Variants in TYW1 observed in about 807,000 individuals in gnomAD.
TYW1 encodes tRNA-yW synthesizing protein 1 homolog.
Under a neutral mutation model 96.2 loss-of-function variants are expected in TYW1, and 46 were observed. The observed-to-expected ratio is 0.48, with a 90% CI of 0.38 to 0.61. TYW1 has a LOEUF of 0.61. Ranked by LOEUF, TYW1 falls within the 20% of genes least tolerant of loss-of-function variation. The probability of loss-of-function intolerance (pLI) is 0.00; values close to 1 mark genes in which losing one functional copy is unlikely to be tolerated. For synonymous variants in TYW1, 274 were observed against 323.0 expected (o/e 0.85, Z 1.63); for missense variants, 684 against 909.6 (o/e 0.75, Z 3.19).
At chr7:67,226,222 A>G (rs1333794120) in intron 15 of TYW1, among the ~76,000 whole-genome samples, 2 of 152,212 alleles carry the variant, frequency 1.3e-5, no homozygotes, top group Non-Finnish European at 2.9e-5. Context: ...ATAATTTAAA[A>G]CAAAGATGAT....
At chr7:67,158,793 G>A (rs1042246546) in intron 13 of TYW1, among the ~76,000 whole-genome samples, 2 of 150,992 alleles carry the variant, frequency 1.3e-5, no homozygotes, top group South Asian at 2.1e-4. Flanking sequence ...GGATGGTCTC[G>A]ATCTCCTGAC....
intron 13 of TYW1, among the ~76,000 whole-genome samples, chr7:67,172,479 A>G (rs145937274): frequency 0.12 from 17,236 of 149,190 alleles, 1,187 homozygotes; most frequent in African/African-American, 0.17. Context: ...GGAGTGCAGC[A>G]GCCCAGTCTC....
At chr7:67,164,959 C>T (rs1799276084) in intron 13 of TYW1, among the ~76,000 whole-genome samples, 1 of 151,102 alleles carries the variant, frequency 6.6e-6, no homozygotes, top group Non-Finnish European at 1.5e-5. Flanking sequence ...TGTCCATAGG[C>T]TACATTTTTA....
intron 7 of TYW1, among the ~76,000 whole-genome samples, chr7:67,029,402 T>TATATATACATATATATATATAC (rs1282584542): frequency 7.9e-5 from 10 of 126,002 alleles, no homozygotes; most frequent in Admixed American, 2.6e-4. Context: ...TGTGTGTGTG[T>TATATATACATATATATATATAC]GTGTGTGTGT....
chr7:67,055,975 G>A lies in TYW1; in HGVS notation c.1155+88G>A, dbSNP rs1795502947. ...ACACTGTCTATAAATTTACTATTTAGAGGTATAATTTACATTTAATTTGCA... is the reference window on the plus strand; with the variant it reads ...ACACTGTCTATAAATTTACTATTTAAAGGTATAATTTACATTTAATTTGCA... On this transcript the variant is annotated intron_variant, in intron 9 of 15. Coordinates refer to ENST00000359626, the MANE Select transcript of TYW1 (RefSeq NM_018264.4). 7.9e-6 allele frequency: 8 copies of A among 1,012,130 alleles called. No individual in the cohort carries two copies. In the South Asian group the frequency reaches 9.1e-5, roughly 12 times the overall value. 62.7% of individuals were successfully genotyped at this position (1,012,130 alleles called of 1,614,324 possible).
chr7:67,013,561 G>A (rs370346376), intron 4 of TYW1, among the ~76,000 whole-genome samples: 2,058 of 151,940 alleles, frequency 0.014, 43 homozygotes, highest in African/African-American at 0.044. Flanking sequence ...CTCTTATTGG[G>A]TAAGCAAGGT....
intron 10 of TYW1, among the ~76,000 whole-genome samples, chr7:67,076,272 C>G (rs758505400): frequency 5.3e-5 from 8 of 152,182 alleles, no homozygotes; most frequent in Admixed American, 5.2e-4. Flanking sequence ...CTCCTTTGTT[C>G]AGTGTACTCT....
chr7:67,199,146 G>C (rs904071185), intron 15 of TYW1, among the ~76,000 whole-genome samples: 1 of 151,886 alleles, frequency 6.6e-6, no homozygotes, highest in East Asian at 1.9e-4. Context: ...GCAGTGACCC[G>C]TGATTATGCC....
intron 7 of TYW1, among the ~76,000 whole-genome samples, chr7:67,028,618 C>A (rs1247594165): frequency 6.6e-6 from 1 of 152,188 alleles, no homozygotes; most frequent in African/African-American, 2.4e-5. Context: ...AACTCCAAAG[C>A]TGGATGACAT....
intron 13 of TYW1, among the ~76,000 whole-genome samples, chr7:67,169,816 G>A (rs1448139932): frequency 2.6e-5 from 4 of 152,204 alleles, no homozygotes. Flanking sequence ...GCTGTTATGA[G>A]TAATACTGCT....
chr7:67,166,013 G>A (rs1486777653), intron 13 of TYW1, among the ~76,000 whole-genome samples: 2 of 152,136 alleles, frequency 1.3e-5, no homozygotes, highest in Non-Finnish European at 2.9e-5. Context: ...GCCAAGGTGG[G>A]TGGATCACTT....
At chr7:67,080,775 A>G (rs1796359372) in intron 10 of TYW1, among the ~76,000 whole-genome samples, 1 of 151,994 alleles carries the variant, frequency 6.6e-6, no homozygotes, top group African/African-American at 2.4e-5. Context: ...TTACAGGTGA[A>G]GTGAGTTTCT....
intron 15 of TYW1, among the ~76,000 whole-genome samples, chr7:67,207,419 G>T (rs1317514563): frequency 6.6e-6 from 1 of 152,060 alleles, no homozygotes; most frequent in Non-Finnish European, 1.5e-5. Flanking sequence ...TATTTACCAG[G>T]CTGAGTTTGC....
chr7:67,114,879 C>G (rs1220923672), intron 12 of TYW1, among the ~76,000 whole-genome samples: 1 of 152,092 alleles, frequency 6.6e-6, no homozygotes, highest in Non-Finnish European at 1.5e-5. Flanking sequence ...GGACCTTTTC[C>G]TCTTCTCCAT....
At chr7:67,082,866 C>A (rs1796430420) in intron 10 of TYW1, among the ~76,000 whole-genome samples, 1 of 151,908 alleles carries the variant, frequency 6.6e-6, no homozygotes, top group East Asian at 1.9e-4. Flanking sequence ...GGTGGTGGGA[C>A]CTCAGGAATA....
chr7:67,205,290 T>TCC (rs1054133966), intron 15 of TYW1, among the ~76,000 whole-genome samples: 4 of 151,990 alleles, frequency 2.6e-5, no homozygotes, highest in African/African-American at 9.7e-5. Flanking sequence ...AAGTTCTGGC[T>TCC]CCCGTCAGCC....
intron 13 of TYW1, among the ~76,000 whole-genome samples, chr7:67,121,234 A>G (rs10224763): frequency 0.24 from 36,987 of 152,194 alleles, 4,790 homozygotes; most frequent in African/African-American, 0.32. Flanking sequence ...GCTAGGGTCA[A>G]ACATAAAAAC....
At chr7:67,168,331 G>A (rs1288820201) in intron 13 of TYW1, among the ~76,000 whole-genome samples, 1 of 151,924 alleles carries the variant, frequency 6.6e-6, no homozygotes, top group African/African-American at 2.4e-5. Flanking sequence ...TTTAAAAGAT[G>A]TTTCCATTTC....
intron 7 of TYW1, among the ~76,000 whole-genome samples, chr7:67,036,747 A>G (rs1181893020): frequency 6.6e-6 from 1 of 152,284 alleles, no homozygotes; most frequent in African/African-American, 2.4e-5. Context: ...AAGAGAAGAC[A>G]GGATTCTTCA....
Sources: allele counts gnomAD v4.1 joint callset (sites outside exome capture counted in the v4.1 genomes callset), GRCh38; gene constraint gnomAD v4.1.1; transcripts MANE v1.5; gene names NCBI Gene and HGNC (gene_info 2026-07-23, HGNC 2026-07-21).